The following SLC16A6 variants were observed in gnomAD, a reference collection of about 807,000 sequenced individuals.
SLC16A6 encodes the protein monocarboxylate transporter 7.
SLC16A6 carries 15 observed loss-of-function variants against 33.8 expected under a neutral mutation model. That is an observed-to-expected ratio of 0.44 (90% CI 0.30 to 0.68). The LOEUF (loss-of-function observed/expected upper bound fraction) is 0.68, where lower values mean the gene tolerates loss of function less well. Among genes scored for constraint, SLC16A6 ranks in the 30% least tolerant of loss-of-function variants. The probability of loss-of-function intolerance (pLI) is 0.10; values close to 1 mark genes in which losing one functional copy is unlikely to be tolerated. For missense variants in SLC16A6, 451 were observed against 661.5 expected (o/e 0.68, Z 3.49); for synonymous variants, 219 against 248.4 (o/e 0.88, Z 1.11).
In SLC16A6 at chr17:68,270,948, A is replaced by G. The variant is rs373835620; in HGVS notation, c.1212T>C (p.Ile404=). ...CGACATCATCCTCAGCAAGCAGTGG[A>G]ATGTGAGTCCCTCCTATTGTTCCAA... ...FMVGTIGGTH[I]PLLAEDDVVG... Residue 404 remains isoleucine, a synonymous_variant, in exon 5 of 6, where the codon ATT becomes ATC. Transcript: ENST00000580666. The G allele has an allele frequency of 2.0e-5, 33 of 1,614,208 alleles. 1 individual carries two copies. In the East Asian group the frequency reaches 2.9e-4, roughly 14 times the overall value.
At position 68,271,187 on chromosome 17, in the gene SLC16A6, C is replaced by A; in HGVS notation, c.973G>T (p.Asp325Tyr). ...IIPLGISLGI[D>Y]QDRAAFLLST... The stretch of plus-strand genomic sequence containing the variant: ...AATAAAAAAGCAGCGCGGTCCTGGT[C>A]AATGCCCAGACTAATGCCCAGAGGA... Residue 325 changes from aspartate to tyrosine, a missense_variant, in exon 5 of 6, where the codon GAC (aspartate) becomes TAC (tyrosine). Asp to Tyr is a radical substitution (Grantham distance 160). Coordinates refer to ENST00000580666, the MANE Select transcript of SLC16A6 (RefSeq NM_004694.5). This position sits in a 1 kb window ranked among gnomAD's most constrained non-coding sequence, Gnocchi z 5.3. The A allele has an allele frequency of 2.5e-6, 4 of 1,614,010 alleles. No individual in the cohort carries two copies. In the South Asian group the frequency reaches 4.4e-5, roughly 18 times the overall value.
chr17:68,284,684 C>A (rs1366391118), intron 1 of SLC16A6, among the ~76,000 whole-genome samples: 2 of 152,190 alleles, frequency 1.3e-5, no homozygotes, highest in Non-Finnish European at 2.9e-5. Context: ...CAAATCTGAT[C>A]TAACTTAGTA....
intron 5 of SLC16A6, among the ~76,000 whole-genome samples, chr17:68,270,480 G>A (rs1326889714): frequency 1.3e-5 from 2 of 151,894 alleles, no homozygotes; most frequent in Non-Finnish European, 2.9e-5. Context: ...CTTGAATCTG[G>A]GAGGTGGAGG....
Position 68,275,400 on chromosome 17 carries a change from A to G in SLC16A6, c.233-1330T>C, listed in dbSNP as rs76729675. ...CTACTATGTTAACTATTAGAATACAAAGTAATCTTGGATGTAGCTCATAAT... is the reference window on the plus strand; with the variant it reads ...CTACTATGTTAACTATTAGAATACAGAGTAATCTTGGATGTAGCTCATAAT... On this transcript the variant is annotated intron_variant, in intron 2 of 5. Transcript: ENST00000580666. 6.2e-3 allele frequency among the ~76,000 whole-genome samples: 951 copies of G among 152,268 alleles called. 7 individuals are homozygous for G. Among genetic ancestry groups the G allele is most frequent in the African/African-American group, 0.022 (898 of 41,538 alleles).
chr17:68,286,203 G>A (rs1555754301), intron 1 of SLC16A6, among the ~76,000 whole-genome samples: 1 of 152,222 alleles, frequency 6.6e-6, no homozygotes, highest in African/African-American at 2.4e-5. Flanking sequence ...CAGCACTGAA[G>A]TTCTGGTGCC....
At chr17:68,282,645 T>C (rs554238318) in intron 1 of SLC16A6, among the ~76,000 whole-genome samples, 2 of 150,834 alleles carry the variant, frequency 1.3e-5, no homozygotes, top group South Asian at 4.2e-4. Flanking sequence ...CAAAAAAGTA[T>C]AAGAAGAAAT....
At chr17:68,288,154 G>A (rs1442727362) in intron 1 of SLC16A6, among the ~76,000 whole-genome samples, 4 of 150,636 alleles carry the variant, frequency 2.7e-5, no homozygotes, top group Non-Finnish European at 3.0e-5. Flanking sequence ...ATGCCACCAC[G>A]CCCGGCTGAT....
chr17:68,280,201 G>T (rs868995721), intron 1 of SLC16A6, among the ~76,000 whole-genome samples: 3 of 109,074 alleles, frequency 2.8e-5, no homozygotes, highest in African/African-American at 7.4e-5. Context: ...AAAAAAAAAA[G>T]AATTATTTAT....
intron 3 of SLC16A6, 140 bp downstream of exon 3, chr17:68,273,787 C>T: frequency 9.6e-7 from 1 of 1,039,012 alleles, no homozygotes; most frequent in East Asian, 2.5e-5. Context: ...CAGTTCAAAA[C>T]TACTGATCTG....
intron 1 of SLC16A6, among the ~76,000 whole-genome samples, chr17:68,282,617 A>T (rs1228101885): frequency 1.3e-5 from 2 of 151,636 alleles, no homozygotes; most frequent in Non-Finnish European, 2.9e-5. Flanking sequence ...TGGGTAATAT[A>T]GGGAGACGCT....
intron 2 of SLC16A6, among the ~76,000 whole-genome samples, chr17:68,275,437 C>T (rs1271715501): frequency 2.0e-5 from 3 of 152,134 alleles, no homozygotes; most frequent in Admixed American, 2.0e-4. Flanking sequence ...AAACCACTCT[C>T]ATCATTTTGA....
At chr17:68,285,904 C>A (rs1296186515) in intron 1 of SLC16A6, among the ~76,000 whole-genome samples, 9 of 151,954 alleles carry the variant, frequency 5.9e-5, no homozygotes, top group African/African-American at 2.2e-4. Flanking sequence ...GGATTACAGA[C>A]GCCCGCCACC....
chr17:68,280,470 C>T (rs2075659251), intron 1 of SLC16A6, among the ~76,000 whole-genome samples: 1 of 152,076 alleles, frequency 6.6e-6, no homozygotes, highest in Non-Finnish European at 1.5e-5. Context: ...GAAGAGAGAA[C>T]CCTGAAATTA....
At chr17:68,278,984 A>G (rs570803988) in intron 1 of SLC16A6, among the ~76,000 whole-genome samples, 1 of 152,298 alleles carries the variant, frequency 6.6e-6, no homozygotes, top group South Asian at 2.1e-4. Context: ...ATGCATATAT[A>G]TGTATATACA....
At chr17:68,270,141 C>CAAA (rs2075289172) in intron 5 of SLC16A6, among the ~76,000 whole-genome samples, 1 of 152,136 alleles carries the variant, frequency 6.6e-6, no homozygotes, top group South Asian at 2.1e-4. Context: ...AAATACCTTT[C>CAAA]CTAAGAAAGG....
rs1386047163 is a variant in SLC16A6, at chr17:68,267,241, G to A, written c.*1855C>T. The A allele has an allele frequency of 1.3e-5, 2 of 152,158 alleles. No individual in the cohort carries two copies. Among genetic ancestry groups the A allele is most frequent in the African/African-American group, 4.8e-5 (2 of 41,428 alleles). 9.4% of individuals were successfully genotyped at this position (152,158 alleles called of 1,614,324 possible). On this transcript the variant is annotated 3_prime_UTR_variant, in exon 6 of 6. Transcript: ENST00000580666. ...AGAAATCAGTTATAAATATTAAATT[G>A]TATTGAACATTCATAGTAAAAAATA...
chr17:68,272,840 C>G (rs1445848823), intron 3 of SLC16A6, 73 bp from the exon 4 acceptor site: 1 of 1,581,360 alleles, frequency 6.3e-7, no homozygotes, highest in Non-Finnish European at 8.6e-7. Context: ...ATTAAAAGAT[C>G]TGGGATTTTT....
At chr17:68,275,940 A>C (rs1599518447) in intron 2 of SLC16A6, among the ~76,000 whole-genome samples, 1 of 150,878 alleles carries the variant, frequency 6.6e-6, no homozygotes, top group East Asian at 2.0e-4. Context: ...CTGAGACCGC[A>C]CCACTGCACT....
intron 4 of SLC16A6, among the ~76,000 whole-genome samples, chr17:68,272,374 T>C (rs2075371108): frequency 6.6e-6 from 1 of 152,214 alleles, no homozygotes; most frequent in South Asian, 2.1e-4. Context: ...TACTAGATTA[T>C]TCTGGAATGC....
Sources: gnomAD v4.1 joint callset for allele counts (sites outside exome capture counted in the v4.1 genomes callset) on GRCh38, gnomAD v4.1.1 for gene constraint, Gnocchi (gnomAD v3.1) non-coding constraint, MANE v1.5 for transcripts, NCBI Gene and HGNC (gene_info 2026-07-23, HGNC 2026-07-21) for gene names.